Variants in SLCO5A1 observed in about 807,000 individuals in gnomAD.
The protein encoded by SLCO5A1 is solute carrier organic anion transporter family member 5A1.
A neutral mutation model predicts 65.1 loss-of-function variants in SLCO5A1; 39 were observed. The ratio of observed to expected loss-of-function variants is 0.60; its 90% CI spans 0.46 to 0.78. The LOEUF (loss-of-function observed/expected upper bound fraction) is 0.78, where lower values mean the gene tolerates loss of function less well. Among genes scored for constraint, SLCO5A1 ranks in the 30% least tolerant of loss-of-function variants. The pLI, the probability that SLCO5A1 is intolerant of heterozygous loss-of-function variation, is 0.00. For synonymous variants in SLCO5A1, 438 were observed against 415.7 expected, an observed-to-expected ratio of 1.05 and a Z score of -0.65; for missense variants, 1,029 against 1,069.4, an observed-to-expected ratio of 0.96 and a Z score of 0.53.
Position 69,772,875 on chromosome 8 carries a change from C to G in SLCO5A1, c.908-11000G>C, listed in dbSNP as rs1208609737. 8.5e-5 allele frequency: 82 copies of G among 968,260 alleles called. 1 individual carries two copies. Among genetic ancestry groups the G allele is most frequent in the Non-Finnish European group, 9.9e-5 (81 of 814,574 alleles). The allele number at this position is 968,260 out of a possible 1,614,324, so 60.0% of individuals were successfully genotyped here. On this transcript the variant is annotated intron_variant, in intron 2 of 9. Coordinates refer to ENST00000260126, the MANE Select transcript of SLCO5A1 (RefSeq NM_030958.3). ...AGGGAGGGCTCACTGCAAAGGTGAACAAAACTGATGCATTTTCTTCCAGGA... is the reference window on the plus strand; with the variant it reads ...AGGGAGGGCTCACTGCAAAGGTGAAGAAAACTGATGCATTTTCTTCCAGGA...
At chr8:69,761,348 C>T (rs1172163341) in intron 3 of SLCO5A1, 1 of 183,142 alleles carries the variant, frequency 5.5e-6, no homozygotes, top group Admixed American at 6.4e-5. Flanking sequence ...TTCTAGAGTC[C>T]ACCTGCATTC....
chr8:69,682,338 G>C lies in SLCO5A1; in HGVS notation c.1628C>G (p.Ser543Cys). Reference protein sequence around the residue: ...GINIPYTTGPSLTMPHRNLTG... With the variant: ...GINIPYTTGPCLTMPHRNLTG... ...CAGATTCCTATGGGGCATGGTGAGA[G>C]AAGGTCTAAGAGAGAAGAGAAGCAG... is the stretch of plus-strand genomic sequence containing the variant. The change falls in exon 7 of 10, where the codon TCT becomes TGT. Residue 543 changes from serine to cysteine, a missense_variant. Physicochemically the swap from Ser to Cys is moderately radical, Grantham distance 112. Transcript: ENST00000260126. 3.7e-6 allele frequency: 6 copies of C among 1,601,110 alleles called. No individual in the cohort carries two copies. Among genetic ancestry groups the C allele is most frequent in the Non-Finnish European group, 5.1e-6 (6 of 1,174,884 alleles).
At chr8:69,786,142 A>T (rs561615356) in intron 2 of SLCO5A1, among the ~76,000 whole-genome samples, 1 of 152,346 alleles carries the variant, frequency 6.6e-6, no homozygotes, top group South Asian at 2.1e-4. Context: ...ACTTCTAAAA[A>T]TACCAAAGAA....
chr8:69,732,613 C>T (rs1465173685), intron 5 of SLCO5A1, among the ~76,000 whole-genome samples: 1 of 152,148 alleles, frequency 6.6e-6, no homozygotes, highest in Non-Finnish European at 1.5e-5. Flanking sequence ...GTAATCTCAG[C>T]ACTGTGACCC....
chr8:69,730,727 A>T (rs1816301991), intron 5 of SLCO5A1, among the ~76,000 whole-genome samples: 1 of 152,172 alleles, frequency 6.6e-6, no homozygotes, highest in Admixed American at 6.5e-5. Context: ...TTGTTTATTG[A>T]CAAAAATGAG....
At chr8:69,778,692 C>A (rs953086097) in intron 2 of SLCO5A1, among the ~76,000 whole-genome samples, 1 of 152,176 alleles carries the variant, frequency 6.6e-6, no homozygotes, top group African/African-American at 2.4e-5. Flanking sequence ...ATCAAATGTG[C>A]TATCTTTGTG....
At chr8:69,751,547 C>CTTTT (rs762744953) in intron 4 of SLCO5A1, among the ~76,000 whole-genome samples, 1 of 141,236 alleles carries the variant, frequency 7.1e-6, no homozygotes. Context: ...AAATAATTTT[C>CTTTT]TTTTTTTTTT....
intron 6 of SLCO5A1, among the ~76,000 whole-genome samples, chr8:69,700,920 G>A (rs1437416402): frequency 6.6e-6 from 1 of 152,006 alleles, no homozygotes; most frequent in East Asian, 1.9e-4. Context: ...TGGAGGATGT[G>A]CTCCATCAAA....
At chr8:69,782,080 G>C (rs1480903844) in intron 2 of SLCO5A1, among the ~76,000 whole-genome samples, 1 of 152,166 alleles carries the variant, frequency 6.6e-6, no homozygotes, top group Admixed American at 6.6e-5. Context: ...TGTGGGGCAA[G>C]GGGAGGGAGA....
At chr8:69,734,608 G>A (rs983514469) in intron 5 of SLCO5A1, among the ~76,000 whole-genome samples, 4 of 152,214 alleles carry the variant, frequency 2.6e-5, no homozygotes, top group African/African-American at 9.7e-5. Flanking sequence ...GCACAGAGCT[G>A]GCATTCAATG....
chr8:69,687,144 G>A (rs1814036369), intron 6 of SLCO5A1, among the ~76,000 whole-genome samples: 1 of 152,088 alleles, frequency 6.6e-6, no homozygotes, highest in South Asian at 2.1e-4. Context: ...CTTTCAAAAA[G>A]GATAAAATAG....
chr8:69,704,855 C>T (rs574154094), intron 6 of SLCO5A1, 176 bp downstream of exon 6: 1 of 615,700 alleles, frequency 1.6e-6, no homozygotes, highest in African/African-American at 1.8e-5. Context: ...GAAGACGAGA[C>T]CCTGGCTTCT....
chr8:69,822,289 C>T (rs1463265512), intron 2 of SLCO5A1, among the ~76,000 whole-genome samples: 1 of 152,186 alleles, frequency 6.6e-6, no homozygotes, highest in African/African-American at 2.4e-5. Flanking sequence ...GCCCCTCAAA[C>T]TTCAAAGGAG....
intron 5 of SLCO5A1, among the ~76,000 whole-genome samples, chr8:69,729,225 A>G (rs1816225103): frequency 6.6e-6 from 1 of 152,126 alleles, no homozygotes; most frequent in African/African-American, 2.4e-5. Flanking sequence ...CAGGCGGATC[A>G]CGAGGTCAGG....
chr8:69,701,799 C>T (rs975824852), intron 6 of SLCO5A1, among the ~76,000 whole-genome samples: 5 of 152,158 alleles, frequency 3.3e-5, no homozygotes, highest in Non-Finnish European at 1.5e-5. Context: ...AGGGCTGTGT[C>T]CCAGGCCATA....
chr8:69,782,522 G>A (rs1818839478), intron 2 of SLCO5A1, among the ~76,000 whole-genome samples: 1 of 148,628 alleles, frequency 6.7e-6, no homozygotes, highest in African/African-American at 2.5e-5. Context: ...CAAGGCTGCA[G>A]TGAGTCATGT....
intron 5 of SLCO5A1, chr8:69,714,882 C>A (rs775301503): frequency 6.6e-6 from 1 of 152,148 alleles, no homozygotes; most frequent in Non-Finnish European, 1.5e-5. Context: ...AATATGAGAA[C>A]CCCAATCTCA....
chr8:69,669,363 C>G lies in SLCO5A1; in HGVS notation c.*3506G>C, dbSNP rs1813267176. The G allele has an allele frequency of 3.3e-5, 5 of 151,994 alleles. No homozygotes were observed. Among genetic ancestry groups the G allele is most frequent in the Admixed American group, 3.3e-4 (5 of 15,258 alleles). 9.4% of individuals were successfully genotyped at this position (151,994 alleles called of 1,614,324 possible). On this transcript the variant is annotated 3_prime_UTR_variant, in exon 10 of 10. Coordinates refer to ENST00000260126, the MANE Select transcript of SLCO5A1 (RefSeq NM_030958.3). ...ATCTCACGATTTTATAGTCACCTTG[C>G]CTTTGTTAACCAAAAGCTATTGTAT...
chr8:69,686,231 C>CAAAAAAAAAAAAAAAAAAAA (rs3060023), intron 6 of SLCO5A1, among the ~76,000 whole-genome samples: 5 of 141,730 alleles, frequency 3.5e-5, no homozygotes, highest in African/African-American at 1.4e-4. Flanking sequence ...CTTCACACAG[C>CAAAAAAAAAAAAAAAAAAAA]AAAAAAAAGA....
Sources: gnomAD v4.1 joint callset for allele counts (sites outside exome capture counted in the v4.1 genomes callset) on GRCh38, gnomAD v4.1.1 for gene constraint, MANE v1.5 for transcripts, NCBI Gene and HGNC (gene_info 2026-07-23, HGNC 2026-07-21) for gene names.